SORCS1: variants seen among roughly 807,000 people sequenced by gnomAD.
SORCS1 encodes the protein sortilin related VPS10 domain containing receptor 1.
SORCS1 carries 60 observed loss-of-function variants against 146.1 expected under a neutral mutation model. The observed-to-expected ratio is 0.41, with a 90% CI of 0.33 to 0.51. The LOEUF (loss-of-function observed/expected upper bound fraction) is 0.51, where lower values mean the gene tolerates loss of function less well. Among genes scored for constraint, SORCS1 ranks in the 20% least tolerant of loss-of-function variants. SORCS1 has a pLI of 0.21. For missense variants in SORCS1, 1,352 were observed against 1,487.6 expected (o/e 0.91, Z 1.50); for synonymous variants, 637 against 584.0 (o/e 1.09, Z -1.31).
At chr10:106,973,955 G>A (rs1316679043) in intron 1 of SORCS1, among the ~76,000 whole-genome samples, 1 of 152,212 alleles carries the variant, frequency 6.6e-6, no homozygotes, top group Non-Finnish European at 1.5e-5. Context: ...TAAAGATAAA[G>A]GTGATGTCCT....
intron 2 of SORCS1, among the ~76,000 whole-genome samples, chr10:106,872,940 C>T (rs563219709): frequency 2.0e-4 from 31 of 152,004 alleles, no homozygotes; most frequent in Non-Finnish European, 3.2e-4. Flanking sequence ...TTTGGGAGTT[C>T]GAGGTGGGCG....
At chr10:107,169,035 G>A (rs1970107291), upstream of SORCS1, among the ~76,000 whole-genome samples, 1 of 152,072 alleles carries the variant, frequency 6.6e-6, no homozygotes, top group South Asian at 2.1e-4. Context: ...GGGAAGTAAT[G>A]TTAAAGAGAA....
intron 5 of SORCS1, among the ~76,000 whole-genome samples, chr10:106,732,753 T>A (rs1392662031): frequency 6.6e-6 from 1 of 152,172 alleles, no homozygotes; most frequent in Non-Finnish European, 1.5e-5. Context: ...CAGTAGTTTT[T>A]AAAAATCTTG....
chr10:106,660,073 TC>T (rs1373962718), intron 17 of SORCS1, among the ~76,000 whole-genome samples: 1 of 152,040 alleles, frequency 6.6e-6, no homozygotes, highest in Admixed American at 6.6e-5. Flanking sequence ...CCAATTATTC[TC>T]CTTGACGCAC....
chr10:106,688,443 C>T (rs547112773), intron 9 of SORCS1, 105 bp from the exon 10 acceptor site: 4 of 1,288,650 alleles, frequency 3.1e-6, no homozygotes, highest in African/African-American at 3.0e-5. Flanking sequence ...GAGCACTTGC[C>T]TTGGAGGAAA....
chr10:107,066,463 T>C (rs760154381), intron 1 of SORCS1, among the ~76,000 whole-genome samples: 8 of 152,356 alleles, frequency 5.3e-5, no homozygotes, highest in Non-Finnish European at 1.0e-4. Context: ...GTATCTTTAG[T>C]CTTCCTTTTC....
At chr10:107,063,616 T>C (rs1961449968) in intron 1 of SORCS1, among the ~76,000 whole-genome samples, 1 of 152,362 alleles carries the variant, frequency 6.6e-6, no homozygotes, top group South Asian at 2.1e-4. Flanking sequence ...TTCCTCATTG[T>C]CATCATAAAA....
intron 19 of SORCS1, among the ~76,000 whole-genome samples, chr10:106,622,312 A>T (rs1172707624): frequency 6.6e-6 from 1 of 151,452 alleles, no homozygotes; most frequent in Non-Finnish European, 1.5e-5. Flanking sequence ...AAAAAAAAAA[A>T]AGATTCCCAT....
chr10:106,873,551 A>G (rs940119915), intron 2 of SORCS1, among the ~76,000 whole-genome samples: 4 of 152,198 alleles, frequency 2.6e-5, no homozygotes, highest in African/African-American at 9.7e-5. Flanking sequence ...CATGGCCTAC[A>G]TAAACTCTTC....
At chr10:106,720,862 T>C (rs1855733087) in intron 6 of SORCS1, among the ~76,000 whole-genome samples, 1 of 151,898 alleles carries the variant, frequency 6.6e-6, no homozygotes, top group Admixed American at 6.6e-5. Context: ...GAACCCAATT[T>C]GAAAGCTGCC....
At chr10:106,870,015 T>C (rs1431160123) in intron 2 of SORCS1, among the ~76,000 whole-genome samples, 2 of 151,988 alleles carry the variant, frequency 1.3e-5, no homozygotes, top group Non-Finnish European at 2.9e-5. Flanking sequence ...AAAATCAATA[T>C]ACAAAAATCA....
At chr10:106,952,984 A>C (rs1007843371) in intron 2 of SORCS1, among the ~76,000 whole-genome samples, 2 of 151,960 alleles carry the variant, frequency 1.3e-5, no homozygotes, top group African/African-American at 4.8e-5. Flanking sequence ...TTCTGTCTCA[A>C]ATACTACTAC....
chr10:107,103,076 A>G (rs1345981786), intron 1 of SORCS1, among the ~76,000 whole-genome samples: 1 of 152,200 alleles, frequency 6.6e-6, no homozygotes, highest in Non-Finnish European at 1.5e-5. Context: ...CATAGTCACA[A>G]TAAACTCAGG....
intron 1 of SORCS1, among the ~76,000 whole-genome samples, chr10:107,007,621 A>G (rs7075331): frequency 0.15 from 22,875 of 152,250 alleles, 5,643 homozygotes; most frequent in African/African-American, 0.52. Flanking sequence ...GATATGTTGG[A>G]GTTTTAGCCA....
chr10:106,967,927 G>A (rs572543378), intron 1 of SORCS1, among the ~76,000 whole-genome samples: 189 of 151,918 alleles, frequency 1.2e-3, no homozygotes, highest in African/African-American at 4.2e-3. Flanking sequence ...AAAAAATGCC[G>A]GGTGTGGTGG....
At chr10:106,989,137 G>C (rs901425951) in intron 1 of SORCS1, among the ~76,000 whole-genome samples, 3 of 151,264 alleles carry the variant, frequency 2.0e-5, no homozygotes, top group Non-Finnish European at 2.9e-5. Context: ...GGTCGTGGTG[G>C]TGGGTACCTG....
At chr10:107,107,465 A>C (rs1031149691) in intron 1 of SORCS1, among the ~76,000 whole-genome samples, 8 of 152,248 alleles carry the variant, frequency 5.3e-5, no homozygotes, top group Admixed American at 3.3e-4. Flanking sequence ...TGAGCAAGGC[A>C]ATCGGATACT....
rs200029035 is a variant in SORCS1, at chr10:106,795,290, TG to T, written c.727-18599del. ...AAGATATAATCTAGTTGTTTTTTTT[TG>T]TTTGTTTTTTGTTTTTTGCCCAGGA... On this transcript the variant is annotated intron_variant, in intron 3 of 25. Coordinates refer to ENST00000263054, the MANE Select transcript of SORCS1 (RefSeq NM_052918.5). Among the ~76,000 whole-genome samples the T allele has an allele frequency of 8.0e-3, 1,213 of 152,280 alleles. 15 individuals are homozygous for T. Among genetic ancestry groups the T allele is most frequent in the African/African-American group, 0.027 (1,117 of 41,550 alleles).
At chr10:106,872,485 GA>G (rs1431167481) in intron 2 of SORCS1, among the ~76,000 whole-genome samples, 1 of 152,204 alleles carries the variant, frequency 6.6e-6, no homozygotes, top group East Asian at 1.9e-4. Flanking sequence ...AGGGTTCTGA[GA>G]AAGGGGAGAA....
Sources: gnomAD v4.1 joint callset for allele counts (sites outside exome capture counted in the v4.1 genomes callset) on GRCh38, gnomAD v4.1.1 for gene constraint, MANE v1.5 for transcripts, NCBI Gene and HGNC (gene_info 2026-07-23, HGNC 2026-07-21) for gene names.